CAAP1: variants seen among roughly 807,000 people sequenced by gnomAD.
CAAP1 encodes the protein conserved anti-apoptotic protein.
In CAAP1, 20 loss-of-function variants were observed where a neutral mutation model predicts 34.0. The ratio of observed to expected loss-of-function variants is 0.59; its 90% confidence interval spans 0.41 to 0.86. The LOEUF (loss-of-function observed/expected upper bound fraction) is 0.86, where lower values mean the gene tolerates loss of function less well. Ranked by LOEUF, CAAP1 falls within the 40% of genes least tolerant of loss-of-function variation. The probability of loss-of-function intolerance (pLI) is 0.00; values close to 1 mark genes in which losing one functional copy is unlikely to be tolerated. For missense variants in CAAP1, 538 were observed against 450.5 expected, an observed-to-expected ratio of 1.19 and a Z score of -1.76; for synonymous variants, 213 against 166.7, an observed-to-expected ratio of 1.28 and a Z score of -2.14.
chr9:26,860,496 T>C (rs911343576), intron 5 of CAAP1, among the ~76,000 whole-genome samples: 1 of 152,082 alleles, frequency 6.6e-6, no homozygotes, highest in Non-Finnish European at 1.5e-5. Context: ...TGATGATATA[T>C]AAATTACTAA....
chr9:26,887,060 A>C (rs193187129), intron 2 of CAAP1, among the ~76,000 whole-genome samples: 23 of 152,166 alleles, frequency 1.5e-4, no homozygotes, highest in Admixed American at 3.9e-4. Flanking sequence ...AAAAATCCAA[A>C]AATTAGCCGG....
intron 3 of CAAP1, among the ~76,000 whole-genome samples, chr9:26,885,729 G>A (rs1185541511): frequency 6.6e-6 from 1 of 152,092 alleles, no homozygotes; most frequent in African/African-American, 2.4e-5. Flanking sequence ...TTATTAGAGA[G>A]TAAACAATAT....
At chr9:26,880,194 G>A (rs1823555986) in intron 4 of CAAP1, 2 of 322,970 alleles carry the variant, frequency 6.2e-6, no homozygotes, top group South Asian at 2.5e-5. Context: ...TGGCATAATT[G>A]TTATACATTT....
At chr9:26,855,326 GGA>G (rs1313317338) in intron 5 of CAAP1, among the ~76,000 whole-genome samples, 2 of 152,184 alleles carry the variant, frequency 1.3e-5, no homozygotes, top group Non-Finnish European at 2.9e-5. Flanking sequence ...GAGTTGGGGG[GGA>G]GAGAGTGGGC....
chr9:26,880,392 C>A (rs1823561461), intron 4 of CAAP1: 2 of 276,380 alleles, frequency 7.2e-6, no homozygotes, highest in African/African-American at 4.5e-5. Context: ...CCAGAAACAA[C>A]TGATTTCATG....
chr9:26,852,429 TG>T (rs1431597884), intron 5 of CAAP1, among the ~76,000 whole-genome samples: 3 of 151,624 alleles, frequency 2.0e-5, no homozygotes, highest in Non-Finnish European at 2.9e-5. Flanking sequence ...CACTCCAGCC[TG>T]GGTGACAGAG....
Position 26,892,726 on chromosome 9 carries a change from C to T in CAAP1, c.-11G>A, listed in dbSNP as rs1176381853. ...CTTTTTCCCCGTCATGATCCCTCTG[C>T]TGCAACCATCGGAGGAAAGTCCGCT... On this transcript the variant is annotated 5_prime_UTR_variant, in exon 1 of 6. Transcript: ENST00000333916. 2 of 1,571,440 alleles carry T rather than the reference C, an allele frequency of 1.3e-6. No individual in the cohort carries two copies. Among genetic ancestry groups the T allele is most frequent in the African/African-American group, 1.3e-5 (1 of 74,098 alleles).
chr9:26,892,787 G>T lies in CAAP1; in HGVS notation c.-72C>A, dbSNP rs548752448. 3.9e-5 allele frequency: 55 copies of T among 1,415,500 alleles called. No homozygotes were observed. Among genetic ancestry groups the T allele is most frequent in the Non-Finnish European group, 5.0e-5 (53 of 1,057,026 alleles). The allele number at this position is 1,415,500 out of a possible 1,614,324, so 87.7% of individuals were successfully genotyped here. On this transcript the variant is annotated 5_prime_UTR_variant, in exon 1 of 6. Transcript: ENST00000333916. Reference sequence around the variant, plus strand: ...CGACCGAAGCCCGACTCCTGCGGCCGTGGGCGGCAGGCACTGGCGTCGCAG... The same window carrying T: ...CGACCGAAGCCCGACTCCTGCGGCCTTGGGCGGCAGGCACTGGCGTCGCAG...
chr9:26,858,516 T>G (rs1173081341), intron 5 of CAAP1, among the ~76,000 whole-genome samples: 2 of 152,182 alleles, frequency 1.3e-5, no homozygotes, highest in Non-Finnish European at 2.9e-5. Context: ...TTTAATTCCC[T>G]GCTTTTTAAA....
chr9:26,844,059 T>C (rs1351180019), intron 5 of CAAP1, among the ~76,000 whole-genome samples: 1 of 152,130 alleles, frequency 6.6e-6, no homozygotes, highest in Non-Finnish European at 1.5e-5. Flanking sequence ...GAGACTAAAA[T>C]AGATTTAAGA....
chr9:26,855,351 T>C (rs1030242678), intron 5 of CAAP1, among the ~76,000 whole-genome samples: 2 of 151,980 alleles, frequency 1.3e-5, no homozygotes, highest in Non-Finnish European at 2.9e-5. Context: ...GATAAATAGG[T>C]AGAACACAGA....
At position 26,884,819 on chromosome 9, in the gene CAAP1, A is replaced by T; in HGVS notation, c.656T>A (p.Leu219Ter). ...ADDGSKMGSD[L>*]VSQQDICIDS... ...AAGTTTTTAAACTTACTGACTGACT[A>T]AATCAGATCCCATCTTAGAACCATC... The change falls in exon 4 of 6, where the codon TTA becomes TAA. Residue 219 changes from leucine (L) to a stop codon, truncating the protein, a stop_gained. Transcript: ENST00000333916. LOFTEE classifies it high-confidence loss of function. 1.9e-6 allele frequency: 3 copies of T among 1,607,174 alleles called. No individual in the cohort carries two copies. Among genetic ancestry groups the T allele is most frequent in the Non-Finnish European group, 1.7e-6 (2 of 1,177,688 alleles).
In CAAP1 at chr9:26,884,042, C is replaced by T. The variant is rs112841683; in HGVS notation, c.665+768G>A. Among the ~76,000 whole-genome samples the T allele has an allele frequency of 3.5e-3, 532 of 152,292 alleles. 1 individual carries two copies. Among genetic ancestry groups the T allele is most frequent in the Middle Eastern group, 0.017 (5 of 294 alleles). Reference sequence around the variant, plus strand: ...TGGTAACCTCTTCTTACGTGTACTACTGCCTGTGACACAAGTATTTATTTT... The same window carrying T: ...TGGTAACCTCTTCTTACGTGTACTATTGCCTGTGACACAAGTATTTATTTT... On this transcript the variant is annotated intron_variant, in intron 4 of 5. Coordinates refer to ENST00000333916, the MANE Select transcript of CAAP1 (RefSeq NM_024828.4).
chr9:26,862,874 A>G (rs921254424), intron 4 of CAAP1, among the ~76,000 whole-genome samples: 1 of 152,144 alleles, frequency 6.6e-6, no homozygotes, highest in African/African-American at 2.4e-5. Context: ...ACAATGTAAC[A>G]TATAGTGAAA....
chr9:26,861,231 G>T (rs1244096239), intron 4 of CAAP1, 92 bp from the exon 5 acceptor site: 1 of 844,004 alleles, frequency 1.2e-6, no homozygotes, highest in South Asian at 1.5e-5. Flanking sequence ...AGGCACTAGG[G>T]AAGACAGGCT....
At chr9:26,854,828 T>C (rs1034204585) in intron 5 of CAAP1, among the ~76,000 whole-genome samples, 1 of 152,182 alleles carries the variant, frequency 6.6e-6, no homozygotes, top group African/African-American at 2.4e-5. Flanking sequence ...GGGAATTGCA[T>C]AAGAAACAAG....
rs1463079678 is a variant in CAAP1, at chr9:26,889,865, CT to C, written c.304-2353del. Among the ~76,000 whole-genome samples, 7 of 99,426 alleles carry C rather than the reference CT, an allele frequency of 7.0e-5. No homozygotes were observed. In the South Asian group the frequency reaches 1.1e-3, roughly 15 times the overall value. The allele number at this position is 99,426 out of a possible 152,430, so 65.2% of individuals were successfully genotyped here. ...CCTGGGCGACAGAGCGAGACTCTGT[CT>C]CAAAAAAAAAAAAAAAAAAAAAAGG... On this transcript the variant is annotated intron_variant, in intron 1 of 5. Coordinates refer to ENST00000333916, the MANE Select transcript of CAAP1 (RefSeq NM_024828.4).
chr9:26,869,756 G>C (rs1353466068), intron 4 of CAAP1, among the ~76,000 whole-genome samples: 1 of 152,082 alleles, frequency 6.6e-6, no homozygotes, highest in Admixed American at 6.6e-5. Context: ...GAGGTACATG[G>C]GCATTATTAG....
At position 26,892,517 on chromosome 9, in the gene CAAP1, C is replaced by G; in HGVS notation, c.199G>C (p.Gly67Arg). The G allele has an allele frequency of 6.4e-7, 1 of 1,571,538 alleles. No individual in the cohort carries two copies. ...CCCCAACAGCTGCCGCCGCTCCCAC[C>G]GCCGGTGACACTTCCACTAAAATTG... ...NANFSGSVTG[G>R]GSGGSCWGGS... is the part of the protein sequence containing the mutation. The change falls in exon 1 of 6, where the codon GGT becomes CGT. Residue 67 changes from glycine to arginine, a missense_variant. Physicochemically the swap from Gly to Arg is moderately radical, Grantham distance 125. Transcript: ENST00000333916.
Sources: allele counts gnomAD v4.1 joint callset (sites outside exome capture counted in the v4.1 genomes callset), GRCh38; gene constraint gnomAD v4.1.1; transcripts MANE v1.5; gene names NCBI Gene and HGNC (gene_info 2026-07-23, HGNC 2026-07-21).